Variants in NAALADL2 observed in about 807,000 individuals in gnomAD.
NAALADL2 encodes the protein N-acetylated alpha-linked acidic dipeptidase like 2.
NAALADL2 carries 76 observed loss-of-function variants against 87.2 expected under a neutral mutation model. That is an observed-to-expected ratio of 0.87 (90% CI 0.72 to 1.05). The LOEUF is 1.05. Among genes scored for constraint, NAALADL2 ranks in the 50% least tolerant of loss-of-function variants. The probability of loss-of-function intolerance (pLI) is 0.00; values close to 1 mark genes in which losing one functional copy is unlikely to be tolerated. For missense variants in NAALADL2, 1,089 were observed against 945.8 expected, an observed-to-expected ratio of 1.15 and a Z score of -1.99; for synonymous variants, 354 against 331.0, an observed-to-expected ratio of 1.07 and a Z score of -0.75.
At chr3:174,493,834 A>G (rs999043203) in intron 1 of NAALADL2, among the ~76,000 whole-genome samples, 4 of 152,234 alleles carry the variant, frequency 2.6e-5, no homozygotes, top group Admixed American at 6.5e-5. Context: ...AATGTAGTCT[A>G]TGCCCTTGAA....
intron 1 of NAALADL2, among the ~76,000 whole-genome samples, chr3:174,545,410 C>T (rs1722640286): frequency 6.6e-6 from 1 of 152,066 alleles, no homozygotes; most frequent in Non-Finnish European, 1.5e-5. Context: ...GAAAGGGTGC[C>T]TGGGAAAGTT....
chr3:175,526,273 T>G (rs1733404943), intron 9 of NAALADL2, among the ~76,000 whole-genome samples: 1 of 152,210 alleles, frequency 6.6e-6, no homozygotes, highest in South Asian at 2.1e-4. Flanking sequence ...TTTGCATTGG[T>G]ACAGCTGTGC....
At chr3:175,728,930 T>C (rs777636745) in intron 11 of NAALADL2, among the ~76,000 whole-genome samples, 67 of 152,136 alleles carry the variant, frequency 4.4e-4, no homozygotes, top group Non-Finnish European at 3.1e-4. Flanking sequence ...ACTCTAAAAG[T>C]AAAAAGAAAT....
chr3:175,128,457 C>CT (rs926508962), intron 2 of NAALADL2, among the ~76,000 whole-genome samples: 4 of 102,656 alleles, frequency 3.9e-5, no homozygotes, highest in Non-Finnish European at 7.7e-5. Context: ...TTCAATTTAC[C>CT]TTTTTTTTCT....
intron 1 of NAALADL2, among the ~76,000 whole-genome samples, chr3:174,925,736 G>A (rs777563469): frequency 4.2e-4 from 64 of 151,930 alleles, no homozygotes; most frequent in Non-Finnish European, 2.8e-4. Context: ...TGTTTGTGTC[G>A]TCTTTTATTT....
At chr3:175,104,048 T>A (rs1580462987) in intron 2 of NAALADL2, among the ~76,000 whole-genome samples, 2 of 152,204 alleles carry the variant, frequency 1.3e-5, no homozygotes, top group East Asian at 3.9e-4. Flanking sequence ...ATTAGGTTTG[T>A]TTACTTGTTA....
At chr3:175,330,958 A>T (rs1761321180) in intron 5 of NAALADL2, among the ~76,000 whole-genome samples, 1 of 149,724 alleles carries the variant, frequency 6.7e-6, no homozygotes, top group Admixed American at 6.7e-5. Flanking sequence ...TCAGAAATGA[A>T]AAAAGACATT....
chr3:175,420,170 T>C (rs1284121845), intron 5 of NAALADL2, among the ~76,000 whole-genome samples: 2 of 151,972 alleles, frequency 1.3e-5, no homozygotes, highest in Non-Finnish European at 2.9e-5. Context: ...ACCTTTACTT[T>C]CATGAAAAAA....
At chr3:175,120,475 T>C (rs1397189869) in intron 2 of NAALADL2, among the ~76,000 whole-genome samples, 1 of 151,780 alleles carries the variant, frequency 6.6e-6, no homozygotes, top group Non-Finnish European at 1.5e-5. Flanking sequence ...AAGGACTGTG[T>C]GTTGTTCCAC....
chr3:175,269,125 G>A (rs1160224320), intron 4 of NAALADL2, among the ~76,000 whole-genome samples: 3 of 138,182 alleles, frequency 2.2e-5, no homozygotes, highest in African/African-American at 5.0e-5. Flanking sequence ...TTTCAGTAGA[G>A]ACGGGATTTC....
chr3:174,661,055 T>C (rs1725457044), intron 2 of NAALADL2, among the ~76,000 whole-genome samples: 1 of 152,124 alleles, frequency 6.6e-6, no homozygotes, highest in African/African-American at 2.4e-5. Flanking sequence ...GTAGAGGCCT[T>C]ACTCTTGATT....
intron 9 of NAALADL2, among the ~76,000 whole-genome samples, chr3:175,502,154 G>A (rs149743129): frequency 6.6e-6 from 1 of 152,126 alleles, no homozygotes; most frequent in African/African-American, 2.4e-5. Context: ...CTACTAAATA[G>A]CTAGCTATGT....
chr3:174,959,208 T>C (rs1741609162), intron 1 of NAALADL2, among the ~76,000 whole-genome samples: 1 of 152,044 alleles, frequency 6.6e-6, no homozygotes, highest in African/African-American at 2.4e-5. Flanking sequence ...GTAGCATATG[T>C]TTGTTTGGCA....
chr3:175,732,307 A>C (rs549298125), intron 11 of NAALADL2, among the ~76,000 whole-genome samples: 1 of 152,348 alleles, frequency 6.6e-6, no homozygotes. Flanking sequence ...AATGGACTAT[A>C]GAAACATATT....
At chr3:174,549,812 G>T (rs1711901839) in intron 1 of NAALADL2, among the ~76,000 whole-genome samples, 2 of 151,942 alleles carry the variant, frequency 1.3e-5, no homozygotes, top group South Asian at 4.2e-4. Context: ...AATCTCTCAG[G>T]AACCCCTCTT....
chr3:175,304,880 A>G (rs1185041161), intron 4 of NAALADL2, among the ~76,000 whole-genome samples: 1 of 152,116 alleles, frequency 6.6e-6, no homozygotes, highest in Non-Finnish European at 1.5e-5. Flanking sequence ...TATATTAAAT[A>G]ATTCCTTTAT....
At chr3:174,861,179 T>C (rs1726442268) in intron 1 of NAALADL2, among the ~76,000 whole-genome samples, 1 of 152,122 alleles carries the variant, frequency 6.6e-6, no homozygotes, top group Admixed American at 6.6e-5. Flanking sequence ...GTATCCTTGG[T>C]AGGTCTGTAA....
rs1262765518 is a variant in NAALADL2 at position 175,194,530 on chromosome 3, G to A, written c.546-39401G>A. On this transcript the variant is annotated intron_variant, in intron 2 of 13. Coordinates refer to ENST00000454872, the MANE Select transcript of NAALADL2 (RefSeq NM_207015.3). ...TATATGGAAACATAGATATAATGTAGTAAGAAAAACCCAAGTGAAAATCTC... is the reference window on the plus strand; with the variant it reads ...TATATGGAAACATAGATATAATGTAATAAGAAAAACCCAAGTGAAAATCTC... Among the ~76,000 whole-genome samples the A allele has an allele frequency of 2.0e-5, 3 of 151,812 alleles. No homozygotes were observed. The East Asian group carries it at 5.8e-4, about 29-fold the overall frequency.
chr3:175,713,432 C>CA (rs1014021615), intron 11 of NAALADL2, among the ~76,000 whole-genome samples: 58 of 152,086 alleles, frequency 3.8e-4, no homozygotes, highest in African/African-American at 1.4e-3. Context: ...TATCTAACTT[C>CA]ATTAATTCTT....
Sources: allele counts gnomAD v4.1 joint callset (sites outside exome capture counted in the v4.1 genomes callset), GRCh38; gene constraint gnomAD v4.1.1; transcripts MANE v1.5; gene names NCBI Gene and HGNC (gene_info 2026-07-23, HGNC 2026-07-21).